The following RIMBP2 variants were observed in gnomAD, a reference collection of about 807,000 sequenced individuals.
The protein encoded by RIMBP2 is RIMS-binding protein 2.
In RIMBP2, 48 loss-of-function variants were observed where a neutral mutation model predicts 118.6. That is an observed-to-expected ratio of 0.40 (90% CI 0.32 to 0.51). The LOEUF is 0.51. Among genes scored for constraint, RIMBP2 ranks in the 20% least tolerant of loss-of-function variants. The pLI, the probability that RIMBP2 is intolerant of heterozygous loss-of-function variation, is 0.41. For synonymous variants in RIMBP2, 762 were observed against 742.9 expected, an observed-to-expected ratio of 1.03 and a Z score of -0.42; for missense variants, 1,551 against 1,768.3, an observed-to-expected ratio of 0.88 and a Z score of 2.20.
In RIMBP2 at chr12:130,703,733, G is replaced by C. The variant is rs1371729810; in HGVS notation, c.-352+12489C>G. ...AAATAAGATTCAGTTGTCATGTGTAGTATATTGGGAGTGCGTTTGAAACGG... is the reference window on the plus strand; with the variant it reads ...AAATAAGATTCAGTTGTCATGTGTACTATATTGGGAGTGCGTTTGAAACGG... On this transcript the variant is annotated intron_variant, in intron 1 of 22. Coordinates refer to ENST00000690449, the MANE Select transcript of RIMBP2 (RefSeq NM_001393629.1). This position sits in a 1 kb window ranked among gnomAD's most constrained non-coding sequence, Gnocchi z 5.7. Among the ~76,000 whole-genome samples, 1 of 152,236 alleles carries C rather than the reference G, an allele frequency of 6.6e-6. No individual in the cohort carries two copies. The highest frequency in any genetic ancestry group is 2.4e-5 in the African/African-American group (1 of 41,468).
chr12:130,413,816 C>A (rs1417675326), intron 18 of RIMBP2, among the ~76,000 whole-genome samples: 2 of 152,068 alleles, frequency 1.3e-5, no homozygotes, highest in African/African-American at 2.4e-5. Flanking sequence ...TGCTGACTGA[C>A]AAGTGTTGTT....
intron 1 of RIMBP2, among the ~76,000 whole-genome samples, chr12:130,653,811 C>A (rs958816281): frequency 2.0e-5 from 3 of 152,240 alleles, no homozygotes; most frequent in Non-Finnish European, 4.4e-5. Flanking sequence ...AGGCTAATGG[C>A]TTGCACCCTC....
chr12:130,482,348 C>T lies in RIMBP2; in HGVS notation c.-3-3332G>A, dbSNP rs552204264. ...CTACTAGGTGCCAAGAAGCTGGGGA[C>T]ACAGAACAGGACAAACGTGTCTTCA... is the stretch of plus-strand genomic sequence containing the variant. On this transcript the variant is annotated intron_variant, in intron 4 of 22. Coordinates refer to ENST00000690449, the MANE Select transcript of RIMBP2 (RefSeq NM_001393629.1). 4.8e-4 allele frequency among the ~76,000 whole-genome samples: 73 copies of T among 152,318 alleles called. 1 individual carries two copies. The highest frequency in any genetic ancestry group is 8.5e-4 in the Admixed American group (13 of 15,304).
At chr12:130,570,722 C>T (rs1030138256) in intron 2 of RIMBP2, among the ~76,000 whole-genome samples, 3 of 152,190 alleles carry the variant, frequency 2.0e-5, no homozygotes, top group African/African-American at 7.2e-5. Flanking sequence ...CCACCACACA[C>T]AGTCATATAG....
rs28408886 is a variant in RIMBP2, at chr12:130,571,417, T to C, written c.-216-53500A>G. Among the ~76,000 whole-genome samples, 430 of 111,532 alleles carry C rather than the reference T, an allele frequency of 3.9e-3. 16 individuals carry two copies. Among genetic ancestry groups the C allele is most frequent in the Middle Eastern group, 0.015 (3 of 200 alleles). The allele number at this position is 111,532 out of a possible 152,430, so 73.2% of individuals were successfully genotyped here. A position where few individuals can be genotyped will look rare whatever the true frequency, so the allele number is the denominator to read the frequency against. ...TGTGCTACTGCTACCCATAGTAACA[T>C]TTTTTTTTTTTTTTTTTTTGGAGAC... On this transcript the variant is annotated intron_variant, in intron 2 of 22. Coordinates refer to ENST00000690449, the MANE Select transcript of RIMBP2 (RefSeq NM_001393629.1).
At chr12:130,516,317 A>C (rs927231935) in intron 3 of RIMBP2, among the ~76,000 whole-genome samples, 6 of 152,248 alleles carry the variant, frequency 3.9e-5, no homozygotes, top group Non-Finnish European at 8.8e-5. Flanking sequence ...TAACAGCTTA[A>C]AACAACCCAT....
chr12:130,412,545 G>A lies in RIMBP2; in HGVS notation c.3589+74C>T, dbSNP rs80051182. On this transcript the variant is annotated intron_variant, in intron 19 of 22. Coordinates refer to ENST00000690449, the MANE Select transcript of RIMBP2 (RefSeq NM_001393629.1). ...TGCAATTTGGGGTCTCCTCATCACC[G>A]CCTGCCTCTCTGAGCGGCAGGTGTT... 6.9e-3 allele frequency: 9,449 copies of A among 1,365,764 alleles called. 541 individuals are homozygous for A. In the African/African-American group the frequency reaches 0.12, roughly 17 times the overall value. 84.6% of individuals were successfully genotyped at this position (1,365,764 alleles called of 1,614,324 possible). A position where few individuals can be genotyped will look rare whatever the true frequency, so the allele number is the denominator to read the frequency against.
intron 4 of RIMBP2, among the ~76,000 whole-genome samples, chr12:130,502,334 G>A (rs2049880448): frequency 6.6e-6 from 1 of 152,196 alleles, no homozygotes; most frequent in Non-Finnish European, 1.5e-5. Flanking sequence ...TGGGACGGGG[G>A]TAATACATAC....
chr12:130,710,033 G>A lies in RIMBP2; in HGVS notation c.-352+6189C>T, dbSNP rs868568130. ...CAAAAAGTACACCACTGGCCCCCTG[G>A]TTTCCGGGTATCCCTGGGAGCTCAC... is the stretch of plus-strand genomic sequence containing the variant. On this transcript the variant is annotated intron_variant, in intron 1 of 22. Transcript: ENST00000690449. This position sits in a 1 kb window ranked among gnomAD's most constrained non-coding sequence, Gnocchi z 4.3. Among the ~76,000 whole-genome samples the A allele has an allele frequency of 3.3e-5, 5 of 152,268 alleles. No homozygotes were observed. The highest frequency in any genetic ancestry group is 1.2e-4 in the African/African-American group (5 of 41,558).
intron 1 of RIMBP2, among the ~76,000 whole-genome samples, chr12:130,702,541 CAAGA>C (rs1207950529): frequency 1.1e-5 from 1 of 87,720 alleles, no homozygotes; most frequent in Non-Finnish European, 2.4e-5. Flanking sequence ...AAATAAAAAA[CAAGA>C]AAGAAGGAAG....
chr12:130,458,520 C>T (rs1241980672), intron 6 of RIMBP2, among the ~76,000 whole-genome samples: 2 of 152,174 alleles, frequency 1.3e-5, no homozygotes, highest in South Asian at 4.1e-4. Flanking sequence ...AGCCAGGGTC[C>T]TGGCCAGGGA....
rs2062961836 is a variant in RIMBP2, at chr12:130,646,405, CTCCA to C, written c.-351-17953_-351-17950del. Reference sequence around the variant, plus strand: ...TCACCACCTCCCTCACCACCTGCCTCTCCACCTCCCTCACCACTTCCCTCTCCAC... The same window carrying C: ...TCACCACCTCCCTCACCACCTGCCTCCCTCCCTCACCACTTCCCTCTCCAC... On this transcript the variant is annotated intron_variant, in intron 1 of 22. Coordinates refer to ENST00000690449, the MANE Select transcript of RIMBP2 (RefSeq NM_001393629.1). Among the ~76,000 whole-genome samples, 6 of 133,776 alleles carry C rather than the reference CTCCA, an allele frequency of 4.5e-5. 1 individual carries two copies. Among genetic ancestry groups the C allele is most frequent in the Middle Eastern group, 3.6e-3 (1 of 276 alleles). The allele number at this position is 133,776 out of a possible 152,430, so 87.8% of individuals were successfully genotyped here.
chr12:130,424,721 C>T lies in RIMBP2; in HGVS notation c.2550G>A (p.Lys850=), dbSNP rs1373128247. 1.1e-5 allele frequency: 14 copies of T among 1,232,270 alleles called. No individual in the cohort carries two copies. The highest frequency in any genetic ancestry group is 1.2e-5 in the Non-Finnish European group (12 of 988,058). The allele number at this position is 1,232,270 out of a possible 1,614,324, so 76.3% of individuals were successfully genotyped here. ...CCCTGGGGGACGGCCCTGCACCCTG[C>T]TTGTGTAGCAGCCCACAGCACTCTC... ...EDGECCGLLH[K]QGAGPSPRAR... The change falls in exon 16 of 23, where the codon AAG becomes AAA. Residue 850 remains lysine, a synonymous_variant. Transcript: ENST00000690449. The surrounding 1 kb of genome is among the most constrained non-coding windows in gnomAD (Gnocchi z 9.8).
chr12:130,556,833 G>A (rs2056404995), intron 2 of RIMBP2, among the ~76,000 whole-genome samples: 1 of 152,190 alleles, frequency 6.6e-6, no homozygotes, highest in Non-Finnish European at 1.5e-5. Context: ...AGGATGAGAT[G>A]TGGAGAAGGT....
intron 6 of RIMBP2, among the ~76,000 whole-genome samples, chr12:130,459,782 T>G (rs1259655771): frequency 1.5e-4 from 22 of 148,222 alleles, no homozygotes; most frequent in South Asian, 6.6e-4. Flanking sequence ...TGACGGGGGG[T>G]GGGGGGCCAA....
At chr12:130,675,531 TTCCG>T (rs1216135979) in intron 1 of RIMBP2, among the ~76,000 whole-genome samples, 3 of 146,468 alleles carry the variant, frequency 2.0e-5, no homozygotes, top group South Asian at 4.4e-4. Context: ...CCCCACTCCC[TTCCG>T]TCCACCCCCA....
chr12:130,517,652 C>T (rs889068864), intron 3 of RIMBP2, among the ~76,000 whole-genome samples, 176 bp downstream of exon 3: 3 of 152,162 alleles, frequency 2.0e-5, no homozygotes, highest in African/African-American at 7.2e-5. Context: ...TGAGACATCA[C>T]TGGGTGCCTC....
At chr12:130,541,958 A>G (rs1355318940) in intron 2 of RIMBP2, among the ~76,000 whole-genome samples, 1 of 152,242 alleles carries the variant, frequency 6.6e-6, no homozygotes, top group Non-Finnish European at 1.5e-5. Flanking sequence ...AGTGTTGGCA[A>G]GGTGACTTTT....
intron 2 of RIMBP2, among the ~76,000 whole-genome samples, chr12:130,597,924 A>T (rs1416324357): frequency 1.3e-5 from 2 of 152,236 alleles, no homozygotes; most frequent in Non-Finnish European, 2.9e-5. Flanking sequence ...CAGCATTTAT[A>T]GATTGGAAAA....
Sources: allele counts gnomAD v4.1 joint callset (sites outside exome capture counted in the v4.1 genomes callset), GRCh38; gene constraint gnomAD v4.1.1; non-coding constraint Gnocchi (gnomAD v3.1); transcripts MANE v1.5; gene names NCBI Gene and HGNC (gene_info 2026-07-23, HGNC 2026-07-21).